Variants in FAT3 observed in about 807,000 individuals in gnomAD.
FAT3 encodes the protein FAT atypical cadherin 3.
A neutral mutation model predicts 310.2 loss-of-function variants in FAT3; 95 were observed. The observed-to-expected ratio is 0.31, with a 90% CI of 0.26 to 0.36. The LOEUF is 0.36. Among genes scored for constraint, FAT3 ranks in the 10% least tolerant of loss-of-function variants. FAT3 has a pLI of 1.00. For missense variants in FAT3, 5,408 were observed against 5,715.6 expected (o/e 0.95, Z 1.74); for synonymous variants, 2,314 against 2,192.9 (o/e 1.06, Z -1.54).
chr11:92,789,862 G>T, intron 7 of FAT3, 81 bp from the exon 8 acceptor site: 2 of 1,450,490 alleles, frequency 1.4e-6, no homozygotes, highest in Non-Finnish European at 1.9e-6. Context: ...GGGAAGCGGG[G>T]AGAAAAAGAG....
chr11:92,549,166 A>G (rs1024697988), intron 3 of FAT3, among the ~76,000 whole-genome samples: 1 of 152,218 alleles, frequency 6.6e-6, no homozygotes, highest in Non-Finnish European at 1.5e-5. Flanking sequence ...GAGAAAGGTA[A>G]TAGATACTAT....
At chr11:92,466,847 T>C (rs1164494081) in intron 2 of FAT3, among the ~76,000 whole-genome samples, 1 of 150,088 alleles carries the variant, frequency 6.7e-6, no homozygotes, top group African/African-American at 2.4e-5. Context: ...GTTTTTTGTC[T>C]TTGCTATAGT....
chr11:92,414,736 C>T (rs995431995), intron 2 of FAT3, among the ~76,000 whole-genome samples: 1 of 152,152 alleles, frequency 6.6e-6, no homozygotes, highest in Admixed American at 6.5e-5. Context: ...ATAGGCCGGG[C>T]GTGGTGGCTC....
chr11:92,356,564 T>C (rs765343048), intron 2 of FAT3, among the ~76,000 whole-genome samples: 10 of 152,172 alleles, frequency 6.6e-5, no homozygotes, highest in Non-Finnish European at 1.3e-4. Context: ...CCAACTTCTT[T>C]CCATGTCACA....
intron 4 of FAT3, among the ~76,000 whole-genome samples, chr11:92,701,649 G>C (rs924670895): frequency 1.3e-5 from 2 of 152,260 alleles, no homozygotes; most frequent in Non-Finnish European, 2.9e-5. Context: ...TACCTTCCTT[G>C]ATACCCAGTT....
chr11:92,785,503 T>C (rs1464513082), intron 7 of FAT3, among the ~76,000 whole-genome samples: 1 of 152,082 alleles, frequency 6.6e-6, no homozygotes, highest in African/African-American at 2.4e-5. Context: ...GAAAAACTTC[T>C]ATAAGTGATA....
intron 1 of FAT3, among the ~76,000 whole-genome samples, chr11:92,275,785 C>A (rs982209966): frequency 2.0e-5 from 3 of 152,100 alleles, no homozygotes; most frequent in Non-Finnish European, 4.4e-5. Flanking sequence ...TTCTTAAATG[C>A]AAGACTTATG....
chr11:92,625,264 A>G (rs988818289), intron 3 of FAT3, among the ~76,000 whole-genome samples: 4 of 152,166 alleles, frequency 2.6e-5, no homozygotes, highest in East Asian at 1.9e-4. Context: ...TGTTATGCCT[A>G]TGCAACAACT....
At chr11:92,751,794 A>C (rs1266277900) in intron 4 of FAT3, among the ~76,000 whole-genome samples, 3 of 152,168 alleles carry the variant, frequency 2.0e-5, no homozygotes, top group Non-Finnish European at 2.9e-5. Context: ...TGGGCTGCGC[A>C]GGGTAGGGAA....
rs534251883 is a variant in FAT3, at chr11:92,611,313, G to C, written c.3608-86071G>C. Reference sequence around the variant, plus strand: ...TTTTTTCTTACAGAGACAGGGTCTCGTGATGTCACCCAAGCTGATCTCAAA... The same window carrying C: ...TTTTTTCTTACAGAGACAGGGTCTCCTGATGTCACCCAAGCTGATCTCAAA... On this transcript the variant is annotated intron_variant, in intron 3 of 27. Coordinates refer to ENST00000525166, the MANE Select transcript of FAT3 (RefSeq NM_001367949.2). Among the ~76,000 whole-genome samples the C allele has an allele frequency of 2.6e-5, 4 of 152,140 alleles. No individual in the cohort carries two copies. In the East Asian group the frequency reaches 7.7e-4, roughly 29 times the overall value.
intron 6 of FAT3, among the ~76,000 whole-genome samples, chr11:92,769,613 T>G (rs1946411023): frequency 6.6e-6 from 1 of 152,226 alleles, no homozygotes; most frequent in Non-Finnish European, 1.5e-5. Flanking sequence ...TTTTTAGCTT[T>G]TCACCTGACT....
chr11:92,847,469 ATCCCC>A (rs1948717870), intron 19 of FAT3, among the ~76,000 whole-genome samples: 3 of 152,198 alleles, frequency 2.0e-5, no homozygotes, highest in African/African-American at 7.2e-5. Context: ...CACAGAATAT[ATCCCC>A]ATTATTAAGC....
chr11:92,284,486 G>C (rs917853823), intron 1 of FAT3, among the ~76,000 whole-genome samples: 1 of 152,050 alleles, frequency 6.6e-6, no homozygotes, highest in East Asian at 1.9e-4. Context: ...AAGATAAAGG[G>C]GTCAGAAGGA....
chr11:92,523,863 G>C (rs1163283045), intron 2 of FAT3, among the ~76,000 whole-genome samples: 1 of 152,072 alleles, frequency 6.6e-6, no homozygotes, highest in East Asian at 1.9e-4. Context: ...CTGATTTCCT[G>C]GTTGGCACTT....
intron 3 of FAT3, among the ~76,000 whole-genome samples, chr11:92,547,744 G>T (rs525653): frequency 0.39 from 59,264 of 151,996 alleles, 12,256 homozygotes; most frequent in Middle Eastern, 0.53. Flanking sequence ...GCCCTGGGTA[G>T]TATGAGGCAC....
At chr11:92,490,026 G>A (rs2135232334) in intron 2 of FAT3, among the ~76,000 whole-genome samples, 1 of 151,870 alleles carries the variant, frequency 6.6e-6, no homozygotes, top group Middle Eastern at 3.4e-3. Context: ...TGAATGTCTG[G>A]GTTTAATTAA....
intron 1 of FAT3, among the ~76,000 whole-genome samples, chr11:92,332,188 C>T (rs1287316440): frequency 6.6e-6 from 1 of 152,224 alleles, no homozygotes; most frequent in Non-Finnish European, 1.5e-5. Context: ...TCCAGTTGAA[C>T]TATACTGGGT....
chr11:92,658,844 T>C (rs1272032570), intron 3 of FAT3, among the ~76,000 whole-genome samples: 1 of 152,108 alleles, frequency 6.6e-6, no homozygotes, highest in Non-Finnish European at 1.5e-5. Flanking sequence ...CCCTGTTCAA[T>C]GAGCTGTCAG....
chr11:92,263,805 T>G (rs184517670), intron 1 of FAT3, among the ~76,000 whole-genome samples: 48 of 152,186 alleles, frequency 3.2e-4, no homozygotes, highest in Admixed American at 1.4e-3. Flanking sequence ...CTCCCTCCCT[T>G]TTTTCATCTT....
Sources: gnomAD v4.1 joint callset for allele counts (sites outside exome capture counted in the v4.1 genomes callset) on GRCh38, gnomAD v4.1.1 for gene constraint, MANE v1.5 for transcripts, NCBI Gene and HGNC (gene_info 2026-07-23, HGNC 2026-07-21) for gene names.